Variants in IGSF3 observed in about 807,000 individuals in gnomAD.
The protein encoded by IGSF3 is immunoglobulin superfamily member 3, also known as glu-Trp-Ile EWI motif-containing protein 3.
A neutral mutation model predicts 114.4 loss-of-function variants in IGSF3; 23 were observed. The ratio of observed to expected loss-of-function variants is 0.20; its 90% confidence interval spans 0.14 to 0.28. IGSF3 has a LOEUF of 0.28. IGSF3 is among the 10% of genes least tolerant of loss of function. The pLI, the probability that IGSF3 is intolerant of heterozygous loss-of-function variation, is 1.00. For synonymous variants in IGSF3, 571 were observed against 645.2 expected, an observed-to-expected ratio of 0.88 and a Z score of 1.74; for missense variants, 1,172 against 1,591.5, an observed-to-expected ratio of 0.74 and a Z score of 4.48.
chr1:116,644,543 G>C lies in IGSF3; in HGVS notation c.43+21741C>G, dbSNP rs1209179111. On this transcript the variant is annotated intron_variant, in intron 2 of 10. Coordinates refer to ENST00000369486, the MANE Select transcript of IGSF3 (RefSeq NM_001007237.3). The surrounding 1 kb of genome is among the most constrained non-coding windows in gnomAD (Gnocchi z 5.6). ...AGCCAGCATAGTAGGTGCCGTGAAAGCCAGGAAGCGAACTGCACAGAATGG... is the reference window on the plus strand; with the variant it reads ...AGCCAGCATAGTAGGTGCCGTGAAACCCAGGAAGCGAACTGCACAGAATGG... 8.5e-5 allele frequency among the ~76,000 whole-genome samples: 13 copies of C among 152,354 alleles called. 1 individual carries two copies. The highest frequency in any genetic ancestry group is 3.4e-3 in the Middle Eastern group (1 of 294).
At position 116,594,029 on chromosome 1, in the gene IGSF3, A is replaced by G. The variant is rs1165202631; in HGVS notation, c.2030-4925T>C. ...GTTTTACTATAATCACAATACTTTT[A>G]TTTTGCATGGTTTTAAAATATGCCA... is the stretch of plus-strand genomic sequence containing the variant. On this transcript the variant is annotated intron_variant, in intron 7 of 10. Transcript: ENST00000369486. This position sits in a 1 kb window ranked among gnomAD's most constrained non-coding sequence, Gnocchi z 5.2. Among the ~76,000 whole-genome samples, 1 of 152,156 alleles carries G rather than the reference A, an allele frequency of 6.6e-6. No homozygotes were observed. Among genetic ancestry groups the G allele is most frequent in the South Asian group, 2.1e-4 (1 of 4,834 alleles).
Position 116,579,919 on chromosome 1 carries a change from A to C in IGSF3, c.2849-42T>G. On this transcript the variant is annotated intron_variant, in intron 9 of 10. Transcript: ENST00000369486. The surrounding 1 kb of genome is among the most constrained non-coding windows in gnomAD (Gnocchi z 6.4). ...GACAAACAGGGAAGGGGTTGTTTAAATTTATTTGCTCAAAATAAACTAAAT... is the reference window on the plus strand; with the variant it reads ...GACAAACAGGGAAGGGGTTGTTTAACTTTATTTGCTCAAAATAAACTAAAT... The C allele has an allele frequency of 1.3e-6, 2 of 1,521,050 alleles. No individual in the cohort carries two copies. The highest frequency in any genetic ancestry group is 1.8e-6 in the Non-Finnish European group (2 of 1,135,940). 94.2% of individuals were successfully genotyped at this position (1,521,050 alleles called of 1,614,324 possible).
In IGSF3 at chr1:116,624,358, G is replaced by GGGCTGGTTA. The variant is rs1018890321; in HGVS notation, c.44-7910_44-7902dup. ...GCATGGGCAGTAGCTGTGAGATCTT[G>GGGCTGGTTA]GGCTGGTTACTTAACCTCTCTGCAC... On this transcript the variant is annotated intron_variant, in intron 2 of 10. Transcript: ENST00000369486. This position sits in a 1 kb window ranked among gnomAD's most constrained non-coding sequence, Gnocchi z 4.9. Among the ~76,000 whole-genome samples, 1 of 152,164 alleles carries GGGCTGGTTA rather than the reference G, an allele frequency of 6.6e-6. No individual in the cohort carries two copies. The highest frequency in any genetic ancestry group is 1.5e-5 in the Non-Finnish European group (1 of 68,036).
chr1:116,626,108 TA>T (rs1647226805), intron 2 of IGSF3, among the ~76,000 whole-genome samples: 2 of 152,226 alleles, frequency 1.3e-5, no homozygotes, highest in Non-Finnish European at 2.9e-5. Context: ...ACTATTTACT[TA>T]GATTAGAATA....
At position 116,575,917 on chromosome 1, in the gene IGSF3, GGGAAA is replaced by G. The variant is rs1659322383; in HGVS notation, c.*1390_*1394del. 6.6e-6 allele frequency: 1 copy of G among 152,142 alleles called. No homozygotes were observed. The highest frequency in any genetic ancestry group is 2.1e-4 in the South Asian group (1 of 4,826). The allele number at this position is 152,142 out of a possible 1,614,324, so 9.4% of individuals were successfully genotyped here. A position where few individuals can be genotyped will look rare whatever the true frequency, so the allele number is the denominator to read the frequency against. On this transcript the variant is annotated 3_prime_UTR_variant, in exon 11 of 11. Coordinates refer to ENST00000369486, the MANE Select transcript of IGSF3 (RefSeq NM_001007237.3). The surrounding 1 kb of genome is among the most constrained non-coding windows in gnomAD (Gnocchi z 5.6). ...TAGAACCACAAGAGAGATCAAGAAA[GGGAAA>G]GGAAAAATCCCACAGACAATGCCTT... is the stretch of plus-strand genomic sequence containing the variant.
rs1175444065 is a variant in IGSF3, at chr1:116,588,365, G to A, written c.2440+329C>T. The stretch of plus-strand genomic sequence containing the variant: ...CAGCCCAAGATTCAGGGTGCAAACT[G>A]CAAACCCAGAAGAAGATTCAGGAGC... On this transcript the variant is annotated intron_variant, in intron 8 of 10. Coordinates refer to ENST00000369486, the MANE Select transcript of IGSF3 (RefSeq NM_001007237.3). The surrounding 1 kb of genome is among the most constrained non-coding windows in gnomAD (Gnocchi z 4.9). Among the ~76,000 whole-genome samples, 3 of 152,152 alleles carry A rather than the reference G, an allele frequency of 2.0e-5. No individual in the cohort carries two copies. The highest frequency in any genetic ancestry group is 4.8e-5 in the African/African-American group (2 of 41,420).
chr1:116,655,576 A>C lies in IGSF3; in HGVS notation c.43+10708T>G, dbSNP rs1308824720. On this transcript the variant is annotated intron_variant, in intron 2 of 10. Coordinates refer to ENST00000369486, the MANE Select transcript of IGSF3 (RefSeq NM_001007237.3). The surrounding 1 kb of genome is among the most constrained non-coding windows in gnomAD (Gnocchi z 4.3). Reference sequence around the variant, plus strand: ...AAAAAAGTTCTCTTCCTTTGGGTTAAAGTCTTAAATGCTGAGCCCGTAGCC... The same window carrying C: ...AAAAAAGTTCTCTTCCTTTGGGTTACAGTCTTAAATGCTGAGCCCGTAGCC... Among the ~76,000 whole-genome samples the C allele has an allele frequency of 3.3e-5, 5 of 152,228 alleles. No individual in the cohort carries two copies. Among genetic ancestry groups the C allele is most frequent in the Non-Finnish European group, 7.3e-5 (5 of 68,050 alleles).
At chr1:116,599,719 G>C in intron 7 of IGSF3, among the ~76,000 whole-genome samples, 1 of 152,194 alleles carries the variant, frequency 6.6e-6, no homozygotes, top group Non-Finnish European at 1.5e-5. Context: ...CATACACACA[G>C]AGGAAGAAAA....
chr1:116,585,615 G>A lies in IGSF3; in HGVS notation c.2441-563C>T, dbSNP rs576562749. Among the ~76,000 whole-genome samples the A allele has an allele frequency of 4.7e-4, 71 of 152,314 alleles. No individual in the cohort carries two copies. The highest frequency in any genetic ancestry group is 1.6e-3 in the African/African-American group (65 of 41,560). On this transcript the variant is annotated intron_variant, in intron 8 of 10. Coordinates refer to ENST00000369486, the MANE Select transcript of IGSF3 (RefSeq NM_001007237.3). The surrounding 1 kb of genome is among the most constrained non-coding windows in gnomAD (Gnocchi z 4.9). The stretch of plus-strand genomic sequence containing the variant: ...TCCTTCTCAGGTTGGGAATGGAACT[G>A]ATATGACATCAGTAAAGAAAAGACT...
At chr1:116,581,540 T>G (rs187356681) in intron 9 of IGSF3, among the ~76,000 whole-genome samples, 1 of 152,206 alleles carries the variant, frequency 6.6e-6, no homozygotes, top group East Asian at 1.9e-4. Context: ...TTTCAATGAA[T>G]TGGCTTAGTG....
chr1:116,580,821 G>A (rs1445569128), intron 9 of IGSF3, among the ~76,000 whole-genome samples: 2 of 152,228 alleles, frequency 1.3e-5, no homozygotes, highest in Admixed American at 6.5e-5. Flanking sequence ...TGATGATGGA[G>A]GCCCAAACAG....
chr1:116,630,949 C>CA (rs978074110), intron 2 of IGSF3, among the ~76,000 whole-genome samples: 32 of 152,058 alleles, frequency 2.1e-4, no homozygotes, highest in African/African-American at 7.5e-4. Context: ...TGGTAGGGTC[C>CA]ATGAAAGTAG....
intron 2 of IGSF3, among the ~76,000 whole-genome samples, chr1:116,620,483 T>C (rs1192569464): frequency 6.6e-6 from 1 of 152,140 alleles, no homozygotes; most frequent in Non-Finnish European, 1.5e-5. Flanking sequence ...ACTACTCCCC[T>C]CTCAGACCTT....
At chr1:116,581,978 T>A (rs1211017642) in intron 9 of IGSF3, among the ~76,000 whole-genome samples, 1 of 152,176 alleles carries the variant, frequency 6.6e-6, no homozygotes, top group Non-Finnish European at 1.5e-5. Flanking sequence ...GTGGAACTTA[T>A]CATGGCCAGG....
intron 2 of IGSF3, among the ~76,000 whole-genome samples, chr1:116,652,164 A>G (rs1648658826): frequency 6.6e-6 from 1 of 152,224 alleles, no homozygotes; most frequent in Non-Finnish European, 1.5e-5. Flanking sequence ...GCATATAAAC[A>G]ACTACCAGCA....
In IGSF3 at chr1:116,645,346, C is replaced by A. The variant is rs376806551; in HGVS notation, c.43+20938G>T. Among the ~76,000 whole-genome samples, 20 of 152,300 alleles carry A rather than the reference C, an allele frequency of 1.3e-4. No homozygotes were observed. The East Asian group carries it at 2.1e-3, about 16-fold the overall frequency. Reference sequence around the variant, plus strand: ...ATTCAGGTCCCCTGAGGCTGGGGTCCTGGAGGCAGGAAAGGGGCTGGTAGC... The same window carrying A: ...ATTCAGGTCCCCTGAGGCTGGGGTCATGGAGGCAGGAAAGGGGCTGGTAGC... On this transcript the variant is annotated intron_variant, in intron 2 of 10. Coordinates refer to ENST00000369486, the MANE Select transcript of IGSF3 (RefSeq NM_001007237.3).
Position 116,614,614 on chromosome 1 carries a change from C to T in IGSF3, c.422-439G>A, listed in dbSNP as rs190288305. On this transcript the variant is annotated intron_variant, in intron 3 of 10. Coordinates refer to ENST00000369486, the MANE Select transcript of IGSF3 (RefSeq NM_001007237.3). The surrounding 1 kb of genome is among the most constrained non-coding windows in gnomAD (Gnocchi z 4.5). ...TTAGTTTTACATTTCTATACAACAT[C>T]CTTTCTTTCCTTCCCACATCCCCAT... 5.0e-4 allele frequency among the ~76,000 whole-genome samples: 76 copies of T among 152,312 alleles called. 1 individual carries two copies. The highest frequency in any genetic ancestry group is 4.4e-3 in the Admixed American group (67 of 15,296).
At position 116,665,489 on chromosome 1, in the gene IGSF3, C is replaced by T. The variant is rs1040062957; in HGVS notation, c.43+795G>A. Among the ~76,000 whole-genome samples the T allele has an allele frequency of 1.3e-5, 2 of 152,144 alleles. No homozygotes were observed. The highest frequency in any genetic ancestry group is 6.5e-5 in the Admixed American group (1 of 15,274). Reference sequence around the variant, plus strand: ...CTAAGACAGCACGCTGAAGACAGTGCTCAATGGCATAAAAAGAATAGGCAA... The same window carrying T: ...CTAAGACAGCACGCTGAAGACAGTGTTCAATGGCATAAAAAGAATAGGCAA... On this transcript the variant is annotated intron_variant, in intron 2 of 10. Coordinates refer to ENST00000369486, the MANE Select transcript of IGSF3 (RefSeq NM_001007237.3). The surrounding 1 kb of genome is among the most constrained non-coding windows in gnomAD (Gnocchi z 4.0).
At chr1:116,646,484 C>G (rs1648377494) in intron 2 of IGSF3, among the ~76,000 whole-genome samples, 1 of 150,682 alleles carries the variant, frequency 6.6e-6, no homozygotes, top group African/African-American at 2.4e-5. Context: ...ACTTATCAGC[C>G]AAGAGAAGGT....
Sources: allele counts gnomAD v4.1 joint callset (sites outside exome capture counted in the v4.1 genomes callset), GRCh38; gene constraint gnomAD v4.1.1; non-coding constraint Gnocchi (gnomAD v3.1); transcripts MANE v1.5; gene names NCBI Gene and HGNC (gene_info 2026-07-23, HGNC 2026-07-21).